Variants in FCRL3 observed in about 807,000 individuals in gnomAD.
FCRL3 encodes the protein Fc receptor like 3, also known as Fc receptor-like protein 3.
A neutral mutation model predicts 75.0 loss-of-function variants in FCRL3; 89 were observed. The observed-to-expected ratio is 1.19, with a 90% CI of 1.00 to 1.42. The LOEUF (loss-of-function observed/expected upper bound fraction) is 1.42, where lower values mean the gene tolerates loss of function less well. Among genes scored for constraint, FCRL3 ranks in the 40% most tolerant of loss-of-function variants. The pLI, the probability that FCRL3 is intolerant of heterozygous loss-of-function variation, is 0.00. For synonymous variants in FCRL3, 376 were observed against 348.5 expected (o/e 1.08, Z -0.88); for missense variants, 946 against 880.0 (o/e 1.07, Z -0.95).
In FCRL3 at chr1:157,690,124, A is replaced by G. The variant is rs376339845; in HGVS notation, c.1690+131T>C. On this transcript the variant is annotated intron_variant, in intron 9 of 14. Transcript: ENST00000368184. Reference sequence around the variant, plus strand: ...CCTCTCCCATATAAAATCAGTACCAATCTCCAGAAGTCCCAAGCCTTCGTG... The same window carrying G: ...CCTCTCCCATATAAAATCAGTACCAGTCTCCAGAAGTCCCAAGCCTTCGTG... The G allele has an allele frequency of 4.4e-6, 6 of 1,349,362 alleles. No individual in the cohort carries two copies. The South Asian group carries it at 5.9e-5, about 13-fold the overall frequency. The allele number at this position is 1,349,362 out of a possible 1,614,324, so 83.6% of individuals were successfully genotyped here.
Position 157,700,017 on chromosome 1 carries a change from T to G in FCRL3, c.32-305A>C, listed in dbSNP as rs1656214983. 1.3e-5 allele frequency among the ~76,000 whole-genome samples: 2 copies of G among 152,210 alleles called. 1 individual carries two copies. The highest frequency in any genetic ancestry group is 4.1e-4 in the South Asian group (2 of 4,836). ...AATGGTTTATCCTCCTTTCGTTCCT[T>G]GGGCTCCTATTGTTCCCCTCACTTT... On this transcript the variant is annotated intron_variant, in intron 2 of 14. Transcript: ENST00000368184.
Position 157,700,739 on chromosome 1 carries a change from A to C in FCRL3, c.-174T>G, listed in dbSNP as rs1429713554. The C allele has an allele frequency of 7.1e-7, 1 of 1,401,110 alleles. No homozygotes were observed. The highest frequency in any genetic ancestry group is 2.9e-5 in the Admixed American group (1 of 34,334). The allele number at this position is 1,401,110 out of a possible 1,614,324, so 86.8% of individuals were successfully genotyped here. ...TTGGGGCTCATCTTCCATCAGCTGC[A>C]GTCTCTCAGGAGTAATGTCTCCAAG... On this transcript the variant is annotated 5_prime_UTR_variant, in exon 1 of 15. Transcript: ENST00000368184.
chr1:157,697,024 C>T (rs1655952930), intron 6 of FCRL3, 116 bp downstream of exon 6: 2 of 1,049,238 alleles, frequency 1.9e-6, no homozygotes, highest in East Asian at 3.0e-5. Context: ...GAGAAGATTA[C>T]CAGAATAGCT....
Position 157,698,373 on chromosome 1 carries a change from C to T in FCRL3, c.298+11G>A, listed in dbSNP as rs1389420223. 5 of 1,613,896 alleles carry T rather than the reference C, an allele frequency of 3.1e-6. No individual in the cohort carries two copies. Among genetic ancestry groups the T allele is most frequent in the Non-Finnish European group, 3.4e-6 (4 of 1,179,952 alleles). On this transcript the variant is annotated intron_variant, in intron 4 of 14. Transcript: ENST00000368184. ...TGGCTTGACTTTAGACACTCCCCTT[C>T]CATTCCTCACCAGGTGAAAATTCCA... is the stretch of plus-strand genomic sequence containing the variant.
At chr1:157,696,635 T>A (rs1179293010) in intron 6 of FCRL3, 1 of 372,274 alleles carries the variant, frequency 2.7e-6, no homozygotes, top group East Asian at 4.9e-5. Context: ...AACCACAAAA[T>A]AAAAGAGAAC....
chr1:157,689,678 G>C, intron 10 of FCRL3, 120 bp downstream of exon 10: 1 of 1,326,556 alleles, frequency 7.5e-7, no homozygotes, highest in Non-Finnish European at 1.0e-6. Flanking sequence ...ACAGTGAGTA[G>C]TGGAACTGAG....
In FCRL3 at chr1:157,677,978, C is replaced by G. The variant is rs1022490330; in HGVS notation, c.*732G>C. 9.1e-6 allele frequency: 9 copies of G among 984,946 alleles called. No homozygotes were observed. The highest frequency in any genetic ancestry group is 1.8e-5 in the African/African-American group (1 of 57,082). The allele number at this position is 984,946 out of a possible 1,614,324, so 61.0% of individuals were successfully genotyped here. A position where few individuals can be genotyped will look rare whatever the true frequency, so the allele number is the denominator to read the frequency against. On this transcript the variant is annotated 3_prime_UTR_variant, in exon 15 of 15. Coordinates refer to ENST00000368184, the MANE Select transcript of FCRL3 (RefSeq NM_052939.4). ...TGCTTATAAGAATAAAACTGACTGACTAGAAATCTATCATGTATGGCAAAT... is the reference window on the plus strand; with the variant it reads ...TGCTTATAAGAATAAAACTGACTGAGTAGAAATCTATCATGTATGGCAAAT...
At position 157,677,927 on chromosome 1, in the gene FCRL3, T is replaced by C; in HGVS notation, c.*783A>G. 1 of 980,938 alleles carries C rather than the reference T, an allele frequency of 1.0e-6. No homozygotes were observed. The highest frequency in any genetic ancestry group is 1.2e-6 in the Non-Finnish European group (1 of 825,972). The allele number at this position is 980,938 out of a possible 1,614,324, so 60.8% of individuals were successfully genotyped here. On this transcript the variant is annotated 3_prime_UTR_variant, in exon 15 of 15. Transcript: ENST00000368184. ...AATGGGAGAAGCCACATAGATATAG[T>C]AGGTTATTGTCTCGGGGTTAATGGG...
At chr1:157,686,968 C>T (rs775462999) in intron 10 of FCRL3, among the ~76,000 whole-genome samples, 32 of 151,892 alleles carry the variant, frequency 2.1e-4, no homozygotes, top group Non-Finnish European at 3.8e-4. Context: ...AGCTTCTGCA[C>T]GGCAAAAGAA....
rs1461016074 is a variant in FCRL3, at chr1:157,678,411, C to T, written c.*299G>A. The stretch of plus-strand genomic sequence containing the variant: ...CATGATTGTGCCCTTGTAACCCTGG[C>T]TAGACCATTTCTCTCTCCTCCTCTA... On this transcript the variant is annotated 3_prime_UTR_variant, in exon 15 of 15. Transcript: ENST00000368184. 3 of 1,226,478 alleles carry T rather than the reference C, an allele frequency of 2.4e-6. No homozygotes were observed. Among genetic ancestry groups the T allele is most frequent in the African/African-American group, 3.1e-5 (2 of 65,422 alleles). 76.0% of individuals were successfully genotyped at this position (1,226,478 alleles called of 1,614,324 possible). A position where few individuals can be genotyped will look rare whatever the true frequency, so the allele number is the denominator to read the frequency against.
intron 13 of FCRL3, chr1:157,679,308 T>C: frequency 2.7e-6 from 1 of 372,820 alleles, no homozygotes; most frequent in Non-Finnish European, 5.0e-6. Context: ...CTGCTCATTA[T>C]AACCCCAGAG....
At chr1:157,698,237 C>G in intron 4 of FCRL3, 147 bp downstream of exon 4, 2 of 996,024 alleles carry the variant, frequency 2.0e-6, no homozygotes, top group Non-Finnish European at 3.0e-6. Flanking sequence ...CATCATGCTG[C>G]TGCCCTATCT....
intron 6 of FCRL3, 130 bp downstream of exon 6, chr1:157,697,010 A>G: frequency 1.1e-6 from 1 of 928,576 alleles, no homozygotes; most frequent in Non-Finnish European, 1.4e-6. Flanking sequence ...GTTGAGCTTA[A>G]AGAGAGAAGA....
chr1:157,694,746 T>G (rs1655776284), intron 8 of FCRL3, among the ~76,000 whole-genome samples: 1 of 152,026 alleles, frequency 6.6e-6, no homozygotes, highest in African/African-American at 2.4e-5. Context: ...AACATCAGAT[T>G]AAATGAGACC....
chr1:157,692,397 C>A (rs1389039454), intron 8 of FCRL3, among the ~76,000 whole-genome samples: 2 of 151,978 alleles, frequency 1.3e-5, no homozygotes, highest in African/African-American at 2.4e-5. Context: ...TGCCACCACG[C>A]CTTGCTATTC....
Position 157,697,750 on chromosome 1 carries a change from C to T in FCRL3, c.468G>A (p.Arg156=). ...CAGTACAATGATATTTGCTATTATC[C>T]CTGGAGACTGAATTCACTGTGATCT... ...LEKITVNSVS[R]DNSKYHCTAY... is the part of the protein sequence containing the mutation. Residue 156 remains arginine (R), a synonymous_variant, in exon 5 of 15, where the codon AGG becomes AGA. Coordinates refer to ENST00000368184, the MANE Select transcript of FCRL3 (RefSeq NM_052939.4). 3 of 1,613,956 alleles carry T rather than the reference C, an allele frequency of 1.9e-6. No individual in the cohort carries two copies. The highest frequency in any genetic ancestry group is 1.6e-4 in the Middle Eastern group (1 of 6,062).
At chr1:157,696,729 G>A (rs930675063) in intron 6 of FCRL3, 2 of 240,692 alleles carry the variant, frequency 8.3e-6, no homozygotes, top group Non-Finnish European at 1.6e-5. Context: ...TTACATCCAT[G>A]TCTCCATGTC....
rs1485438892 is a variant in FCRL3, at chr1:157,676,498, T to A, written c.*2212A>T. On this transcript the variant is annotated 3_prime_UTR_variant, in exon 15 of 15. Transcript: ENST00000368184. ...GAAACTGGTACTTTTTCCAATGGTC[T>A]TTTATTTTCAAAGGCTCCACTAAAA... 2.1e-6 allele frequency: 1 copy of A among 473,214 alleles called. No individual in the cohort carries two copies. Among genetic ancestry groups the A allele is most frequent in the Non-Finnish European group, 3.8e-6 (1 of 264,604 alleles). The allele number at this position is 473,214 out of a possible 1,614,324, so 29.3% of individuals were successfully genotyped here.
At position 157,697,234 on chromosome 1, in the gene FCRL3, C is replaced by T. The variant is rs1655975067; in HGVS notation, c.750G>A (p.Met250Ile). Residue 250 changes from methionine (M) to isoleucine (I), a missense_variant, in exon 6 of 15, where the codon ATG becomes ATA. By Grantham distance (10) the Met-to-Ile change is conservative. Transcript: ENST00000368184. ...AGTAAGACCCTGAGTCTTCAGTCCA[C>T]ATGGCAGGGATCTGGAGTCTGGGGG... ...SRSPRLQIPA[M>I]WTEDSGSYWC... The T allele has an allele frequency of 1.2e-6, 2 of 1,606,058 alleles. No homozygotes were observed. Among genetic ancestry groups the T allele is most frequent in the Non-Finnish European group, 1.7e-6 (2 of 1,175,622 alleles).
Sources: allele counts gnomAD v4.1 joint callset (sites outside exome capture counted in the v4.1 genomes callset), GRCh38; gene constraint gnomAD v4.1.1; transcripts MANE v1.5; gene names NCBI Gene and HGNC (gene_info 2026-07-23, HGNC 2026-07-21).